SUZ12: variants seen among roughly 807,000 people sequenced by gnomAD.
The protein encoded by SUZ12 is SUZ12 polycomb repressive complex 2 subunit.
In SUZ12, 17 loss-of-function variants were observed where a neutral mutation model predicts 87.3. The observed-to-expected ratio is 0.19, with a 90% CI of 0.13 to 0.29. SUZ12 has a LOEUF of 0.29. Among genes scored for constraint, SUZ12 ranks in the 10% least tolerant of loss-of-function variants. The pLI, the probability that SUZ12 is intolerant of heterozygous loss-of-function variation, is 1.00. For synonymous variants in SUZ12, 253 were observed against 312.4 expected (o/e 0.81, Z 2.01); for missense variants, 526 against 912.2 (o/e 0.58, Z 5.45).
intron 4 of SUZ12, among the ~76,000 whole-genome samples, chr17:31,957,636 C>G (rs1018178862): frequency 1.3e-5 from 2 of 151,818 alleles, no homozygotes; most frequent in Non-Finnish European, 2.9e-5. Flanking sequence ...GTCTCGAATT[C>G]CTGACTTCAG....
At chr17:31,995,488 G>C (rs1909927799) in intron 13 of SUZ12, 76 bp from the exon 14 acceptor site, 5 of 1,196,026 alleles carry the variant, frequency 4.2e-6, no homozygotes, top group Non-Finnish European at 4.9e-6. Flanking sequence ...GATTATCACA[G>C]ATCTCAACTC....
chr17:31,999,136 A>G lies in SUZ12; in HGVS notation c.*133A>G. The G allele has an allele frequency of 1.4e-6, 1 of 709,266 alleles. No homozygotes were observed. The highest frequency in any genetic ancestry group is 3.7e-5 in the Admixed American group (1 of 27,352). 43.9% of individuals were successfully genotyped at this position (709,266 alleles called of 1,614,324 possible). A position where few individuals can be genotyped will look rare whatever the true frequency, so the allele number is the denominator to read the frequency against. The stretch of plus-strand genomic sequence containing the variant: ...TTAGATGAAGTAAATGATTTCAACA[A>G]GGATATTTGTATCAGGGTTCTACTT... On this transcript the variant is annotated 3_prime_UTR_variant, in exon 16 of 16. Coordinates refer to ENST00000322652, the MANE Select transcript of SUZ12 (RefSeq NM_015355.4).
At position 31,940,451 on chromosome 17, in the gene SUZ12, C is replaced by T; in HGVS notation, c.351C>T (p.Tyr117=). 1 of 1,593,168 alleles carries T rather than the reference C, an allele frequency of 6.3e-7. No homozygotes were observed. ...TATTTTTGCACAGAACTCTTACTTA[C>T]ATGTCTCATCGAAACTCCAGAACAA... ...APIFLHRTLT[Y]MSHRNSRTNI... The change falls in exon 3 of 16, where the codon TAC becomes TAT. Residue 117 remains tyrosine, a synonymous_variant. Coordinates refer to ENST00000322652, the MANE Select transcript of SUZ12 (RefSeq NM_015355.4).
intron 9 of SUZ12, 64 bp downstream of exon 9, chr17:31,983,168 T>G: frequency 6.6e-7 from 1 of 1,510,762 alleles, no homozygotes; most frequent in Non-Finnish European, 9.0e-7. Context: ...ACTGATGTTT[T>G]CTTCCCCAAA....
intron 12 of SUZ12, 75 bp downstream of exon 12, chr17:31,994,083 C>A: frequency 2.9e-6 from 4 of 1,392,708 alleles, no homozygotes; most frequent in Admixed American, 2.8e-5. Flanking sequence ...CATCTATGTA[C>A]CCACAAAAAT....
chr17:31,962,193 G>C (rs60769501), intron 4 of SUZ12, among the ~76,000 whole-genome samples: 10,573 of 151,062 alleles, frequency 0.07, no homozygotes, highest in African/African-American at 0.23. Context: ...CGCAGCACTT[G>C]GGGAGGCTGA....
At chr17:31,956,485 A>G (rs1434658380) in intron 4 of SUZ12, among the ~76,000 whole-genome samples, 1 of 152,178 alleles carries the variant, frequency 6.6e-6, no homozygotes, top group Non-Finnish European at 1.5e-5. Context: ...CGCCGCACCC[A>G]GTCAGTTTTT....
intron 3 of SUZ12, among the ~76,000 whole-genome samples, chr17:31,943,075 T>C (rs1158984148): frequency 2.0e-5 from 3 of 152,230 alleles, no homozygotes; most frequent in Non-Finnish European, 4.4e-5. Context: ...TATTTGTCTT[T>C]TGGCAATCTT....
chr17:31,973,602 T>G (rs1246907368), intron 6 of SUZ12, among the ~76,000 whole-genome samples: 1 of 152,226 alleles, frequency 6.6e-6, no homozygotes. Context: ...CACAAGATTA[T>G]CCTTTGTAAC....
chr17:31,962,047 T>C (rs544946065), intron 4 of SUZ12, among the ~76,000 whole-genome samples: 1 of 152,310 alleles, frequency 6.6e-6, no homozygotes, highest in African/African-American at 2.4e-5. Context: ...TAAGAGTGCT[T>C]GTAAAGGGAT....
chr17:31,978,883 G>A (rs571947696), intron 8 of SUZ12, among the ~76,000 whole-genome samples: 15 of 151,958 alleles, frequency 9.9e-5, no homozygotes, highest in African/African-American at 2.7e-4. Flanking sequence ...TGAGGCGGGC[G>A]GATCACGAGG....
intron 8 of SUZ12, among the ~76,000 whole-genome samples, chr17:31,981,139 A>G (rs1342907800): frequency 6.6e-6 from 1 of 152,246 alleles, no homozygotes; most frequent in African/African-American, 2.4e-5. Flanking sequence ...ACTTCTTCAG[A>G]AAACAAAAAA....
chr17:31,979,103 C>CAATAA (rs1908935333), intron 8 of SUZ12, among the ~76,000 whole-genome samples: 1 of 65,252 alleles, frequency 1.5e-5, no homozygotes, highest in South Asian at 7.5e-4. Flanking sequence ...ACTGTGTCTC[C>CAATAA]AAAAAAAAAA....
In SUZ12 at chr17:31,984,823, C is replaced by T. The variant is rs139300087; in HGVS notation, c.1023+1719C>T. On this transcript the variant is annotated intron_variant, in intron 9 of 15. Transcript: ENST00000322652. ...TTGACAGTTTCTAGTGTTTTAGGGA[C>T]GTGAGGACACATATACTCTCAAATA... is the stretch of plus-strand genomic sequence containing the variant. Among the ~76,000 whole-genome samples the T allele has an allele frequency of 7.6e-3, 1,150 of 152,270 alleles. 13 individuals carry two copies. Among genetic ancestry groups the T allele is most frequent in the African/African-American group, 0.026 (1,098 of 41,558 alleles).
intron 1 of SUZ12, among the ~76,000 whole-genome samples, chr17:31,938,103 T>C (rs2142114027): frequency 6.6e-6 from 1 of 152,254 alleles, no homozygotes; most frequent in African/African-American, 2.4e-5. Context: ...GCATCTTCTC[T>C]GGAGACGACC....
At chr17:31,981,308 T>C (rs567205812) in intron 8 of SUZ12, among the ~76,000 whole-genome samples, 44 of 152,316 alleles carry the variant, frequency 2.9e-4, no homozygotes, top group African/African-American at 1.1e-3. Context: ...ATAAGAAGTT[T>C]ACCAAAATAG....
chr17:31,950,383 A>G (rs951635761), intron 4 of SUZ12, among the ~76,000 whole-genome samples: 181 of 152,320 alleles, frequency 1.2e-3, no homozygotes, highest in African/African-American at 4.2e-3. Flanking sequence ...TCTATTGTCA[A>G]ATTCTTAAAA....
At position 31,945,184 on chromosome 17, in the gene SUZ12, C is replaced by G. The variant is rs138658947; in HGVS notation, c.387-2433C>G. Among the ~76,000 whole-genome samples the G allele has an allele frequency of 2.4e-3, 368 of 151,930 alleles. 1 individual carries two copies. Among genetic ancestry groups the G allele is most frequent in the African/African-American group, 8.2e-3 (339 of 41,452 alleles). Reference sequence around the variant, plus strand: ...AGCACAACTCATTTGCTGTTGTCTTCAGCGTAGTTGGTGACTTTGGAAGGT... The same window carrying G: ...AGCACAACTCATTTGCTGTTGTCTTGAGCGTAGTTGGTGACTTTGGAAGGT... On this transcript the variant is annotated intron_variant, in intron 3 of 15. Transcript: ENST00000322652.
intron 4 of SUZ12, among the ~76,000 whole-genome samples, chr17:31,949,674 CCCTTTTTTTTT>C (rs1906838616): frequency 2.1e-5 from 1 of 46,736 alleles, no homozygotes; most frequent in African/African-American, 1.2e-4. Context: ...CCCCCCCCCC[CCCTTTTTTTTT>C]TTTTTTTTTT....
Sources: allele counts gnomAD v4.1 joint callset (sites outside exome capture counted in the v4.1 genomes callset), GRCh38; gene constraint gnomAD v4.1.1; transcripts MANE v1.5; gene names NCBI Gene and HGNC (gene_info 2026-07-23, HGNC 2026-07-21).